USP44: variants seen among roughly 807,000 people sequenced by gnomAD.
USP44 encodes ubiquitin carboxyl-terminal hydrolase 44.
A neutral mutation model predicts 69.0 loss-of-function variants in USP44; 61 were observed. The ratio of observed to expected loss-of-function variants is 0.88; its 90% CI spans 0.72 to 1.09. The LOEUF (loss-of-function observed/expected upper bound fraction) is 1.09, where lower values mean the gene tolerates loss of function less well. Among genes scored for constraint, USP44 ranks in the 50% least tolerant of loss-of-function variants. The pLI, the probability that USP44 is intolerant of heterozygous loss-of-function variation, is 0.00. For synonymous variants in USP44, 297 were observed against 295.4 expected, an observed-to-expected ratio of 1.01 and a Z score of -0.06; for missense variants, 753 against 849.9, an observed-to-expected ratio of 0.89 and a Z score of 1.42.
chr12:95,539,229 TTTG>T (rs1440393400), intron 1 of USP44, among the ~76,000 whole-genome samples: 5 of 151,652 alleles, frequency 3.3e-5, no homozygotes, highest in Admixed American at 2.6e-4. Context: ...GGCTTTTTTT[TTTG>T]TTTTTTTTTT....
Position 95,521,067 on chromosome 12 carries a change from C to A in USP44, c.1869G>T (p.Ala623=). The A allele has an allele frequency of 6.2e-7, 1 of 1,614,200 alleles. No individual in the cohort carries two copies. Among genetic ancestry groups the A allele is most frequent in the Non-Finnish European group, 8.5e-7 (1 of 1,180,034 alleles). ...ATCCTTTCCCATGGTGCATCACCACCGCGGACAAGTCATAGATAAAGCATT... is the reference window on the plus strand; with the variant it reads ...ATCCTTTCCCATGGTGCATCACCACAGCGGACAAGTCATAGATAAAGCATT... The part of the protein sequence containing the change: ...RPECFIYDLS[A]VVMHHGKGFG... Residue 623 remains alanine (A), a synonymous_variant, in exon 5 of 6, where the codon GCG becomes GCT. Coordinates refer to ENST00000258499, the MANE Select transcript of USP44 (RefSeq NM_032147.5).
intron 1 of USP44, among the ~76,000 whole-genome samples, chr12:95,534,829 C>A (rs1377969537): frequency 6.6e-6 from 1 of 152,054 alleles, no homozygotes; most frequent in African/African-American, 2.4e-5. Context: ...GAGTGCACCA[C>A]CACATTCAGC....
intron 3 of USP44, among the ~76,000 whole-genome samples, chr12:95,527,619 G>A (rs2076886392): frequency 6.6e-6 from 1 of 151,016 alleles, no homozygotes; most frequent in Admixed American, 6.6e-5. Context: ...CAAGTAGCTG[G>A]GATTACAGAT....
chr12:95,532,167 G>GTTTTTTTTTTTTTTTTTTTTGT (rs1272256143), intron 2 of USP44, among the ~76,000 whole-genome samples: 1 of 126,680 alleles, frequency 7.9e-6, no homozygotes, highest in Non-Finnish European at 1.6e-5. Context: ...CTTTCTTTGG[G>GTTTTTTTTTTTTTTTTTTTTGT]TTTTTTTTTT....
intron 3 of USP44, among the ~76,000 whole-genome samples, chr12:95,527,805 G>A (rs1386223418): frequency 7.0e-6 from 1 of 143,790 alleles, no homozygotes; most frequent in East Asian, 2.2e-4. Context: ...ATCTGATGTG[G>A]TTTTATACAC....
chr12:95,538,686 C>G (rs1246220622), intron 1 of USP44, among the ~76,000 whole-genome samples: 1 of 152,144 alleles, frequency 6.6e-6, no homozygotes, highest in Non-Finnish European at 1.5e-5. Context: ...AAGGGGTAGA[C>G]GACAGAGGCA....
rs935803745 is a variant in USP44 at position 95,534,223 on chromosome 12, G to T, written c.34C>A (p.Gln12Lys). The change falls in exon 2 of 6, where the codon CAG becomes AAG. Residue 12 changes from glutamine (Q) to lysine (K), a missense_variant. Coordinates refer to ENST00000258499, the MANE Select transcript of USP44 (RefSeq NM_032147.5). ...GAATGGTCTTGAGCAAGCTGCAGCT[G>T]CCCAACATGTTTGCACGTATCCATT... ...LAMDTCKHVG[Q>K]LQLAQDHSSL... The T allele has an allele frequency of 2.5e-6, 4 of 1,613,482 alleles. No individual in the cohort carries two copies. The highest frequency in any genetic ancestry group is 3.4e-6 in the Non-Finnish European group (4 of 1,179,736).
intron 1 of USP44, among the ~76,000 whole-genome samples, chr12:95,540,032 G>A (rs562561842): frequency 9.2e-5 from 14 of 152,132 alleles, no homozygotes; most frequent in South Asian, 2.1e-4. Flanking sequence ...CCACAGTTTC[G>A]CATGTAGTGT....
chr12:95,524,315 C>A (rs1230058346), intron 4 of USP44, among the ~76,000 whole-genome samples: 2 of 151,464 alleles, frequency 1.3e-5, no homozygotes, highest in African/African-American at 2.4e-5. Flanking sequence ...CTCCTAACCT[C>A]AGGTGATCCA....
chr12:95,548,247 G>A lies in USP44; in HGVS notation c.-71+3025C>T, dbSNP rs61939483. Reference sequence around the variant, plus strand: ...AACCGCCCTCCCGAAGTGCCCCGGGGCTTCGAGCATCACCTCGCGGTAATC... The same window carrying A: ...AACCGCCCTCCCGAAGTGCCCCGGGACTTCGAGCATCACCTCGCGGTAATC... On this transcript the variant is annotated intron_variant, in intron 1 of 5. Coordinates refer to ENST00000258499, the MANE Select transcript of USP44 (RefSeq NM_032147.5). This position sits in a 1 kb window ranked among gnomAD's most constrained non-coding sequence, Gnocchi z 4.1. 3 of 152,232 alleles carry A rather than the reference G, an allele frequency of 2.0e-5. No homozygotes were observed. The highest frequency in any genetic ancestry group is 7.2e-5 in the African/African-American group (3 of 41,448). 9.4% of individuals were successfully genotyped at this position (152,232 alleles called of 1,614,324 possible).
chr12:95,532,674 T>C (rs751899337), intron 2 of USP44, among the ~76,000 whole-genome samples, 155 bp downstream of exon 2: 1 of 152,234 alleles, frequency 6.6e-6, no homozygotes, highest in East Asian at 1.9e-4. Flanking sequence ...AGGAATTGAG[T>C]GAGCTGATTT....
intron 1 of USP44, among the ~76,000 whole-genome samples, chr12:95,541,688 ATT>A (rs1029965978): frequency 6.6e-6 from 1 of 152,120 alleles, no homozygotes; most frequent in African/African-American, 2.4e-5. Context: ...AAACGTATAC[ATT>A]TGTCAGTCTT....
chr12:95,535,730 T>C (rs1166188423), intron 1 of USP44, among the ~76,000 whole-genome samples: 2 of 152,208 alleles, frequency 1.3e-5, no homozygotes, highest in African/African-American at 4.8e-5. Context: ...CAAACACTTT[T>C]TTCATTGATT....
chr12:95,528,714 C>G, intron 3 of USP44, 93 bp downstream of exon 3: 3 of 1,345,036 alleles, frequency 2.2e-6, no homozygotes, highest in Non-Finnish European at 3.0e-6. Context: ...AGTTCATTTT[C>G]ATAACTGCTA....
chr12:95,544,531 A>T (rs981263802), intron 1 of USP44, among the ~76,000 whole-genome samples: 1 of 152,288 alleles, frequency 6.6e-6, no homozygotes, highest in East Asian at 1.9e-4. Context: ...TGTAATATAG[A>T]TCTAATTGGC....
chr12:95,520,614 T>C (rs931590903), intron 5 of USP44, among the ~76,000 whole-genome samples: 1 of 152,210 alleles, frequency 6.6e-6, no homozygotes, highest in African/African-American at 2.4e-5. Flanking sequence ...TTGAACGCAG[T>C]GTTTGTTCCA....
intron 4 of USP44, among the ~76,000 whole-genome samples, chr12:95,521,673 G>A (rs1371960264): frequency 6.6e-6 from 1 of 152,160 alleles, no homozygotes; most frequent in Non-Finnish European, 1.5e-5. Context: ...TAGTAGTAGA[G>A]ACAGGACTTT....
At position 95,518,214 on chromosome 12, in the gene USP44, C is replaced by T. The variant is rs765801338; in HGVS notation, c.2079G>A (p.Leu693=). 1.9e-6 allele frequency: 3 copies of T among 1,614,182 alleles called. No homozygotes were observed. The highest frequency in any genetic ancestry group is 2.7e-5 in the African/African-American group (2 of 75,032). The change falls in exon 6 of 6, where the codon CTG becomes CTA. Residue 693 remains leucine, a synonymous_variant. Coordinates refer to ENST00000258499, the MANE Select transcript of USP44 (RefSeq NM_032147.5). Reference sequence around the variant, plus strand: ...CTTCATTGGGATGTTGGCTCCCCAACAGGAGCTCTGGAGGCAAAAGTTTAG... The same window carrying T: ...CTTCATTGGGATGTTGGCTCCCCAATAGGAGCTCTGGAGGCAAAAGTTTAG... The part of the protein sequence containing the change: ...GHSKLLPPEL[L]LGSQHPNEDA...
chr12:95,543,735 G>C (rs537321851), intron 1 of USP44, among the ~76,000 whole-genome samples: 1 of 151,760 alleles, frequency 6.6e-6, no homozygotes, highest in African/African-American at 2.4e-5. Context: ...GGGAGGCTGA[G>C]GCGGGCAGAT....
Sources: allele counts gnomAD v4.1 joint callset (sites outside exome capture counted in the v4.1 genomes callset), GRCh38; gene constraint gnomAD v4.1.1; non-coding constraint Gnocchi (gnomAD v3.1); transcripts MANE v1.5; gene names NCBI Gene and HGNC (gene_info 2026-07-23, HGNC 2026-07-21).